PCDHGA4: variants seen among roughly 807,000 people sequenced by gnomAD.
The protein encoded by PCDHGA4 is protocadherin gamma-A4.
Under a neutral mutation model 54.6 loss-of-function variants are expected in PCDHGA4, and 38 were observed. The observed-to-expected ratio is 0.70, with a 90% CI of 0.54 to 0.91. The LOEUF is 0.91. PCDHGA4 is among the 40% of genes least tolerant of loss of function. The pLI is 0.00. For missense variants in PCDHGA4, 1,298 were observed against 1,220.9 expected, an observed-to-expected ratio of 1.06 and a Z score of -0.94; for synonymous variants, 511 against 512.9, an observed-to-expected ratio of 1.00 and a Z score of 0.05.
chr5:141,471,065 T>C (rs1355886133), intron 1 of PCDHGA4, among the ~76,000 whole-genome samples: 3 of 148,628 alleles, frequency 2.0e-5, no homozygotes, highest in Non-Finnish European at 3.0e-5. Context: ...TTTTTTTTTT[T>C]TGAGACAGGG....
chr5:141,431,090 G>C lies in PCDHGA4; in HGVS notation c.2515-63717G>C. On this transcript the variant is annotated intron_variant, in intron 1 of 3. Transcript: ENST00000571252. The surrounding 1 kb of genome is among the most constrained non-coding windows in gnomAD (Gnocchi z 4.8). ...TCAATTAAATCTAGACATTCTGATG[G>C]AGGATAAAGTGAAAATATATGGAGT... is the stretch of plus-strand genomic sequence containing the variant. 6.2e-7 allele frequency: 1 copy of C among 1,614,246 alleles called. No homozygotes were observed. The highest frequency in any genetic ancestry group is 8.5e-7 in the Non-Finnish European group (1 of 1,180,032).
chr5:141,465,448 A>G (rs2099103302), intron 1 of PCDHGA4, among the ~76,000 whole-genome samples: 2 of 152,192 alleles, frequency 1.3e-5, no homozygotes, highest in Admixed American at 1.3e-4. Flanking sequence ...TTACCCAAGA[A>G]AACTCTCACC....
intron 1 of PCDHGA4, chr5:141,479,722 T>C (rs2099504690): frequency 6.6e-6 from 1 of 152,240 alleles, no homozygotes; most frequent in African/African-American, 2.4e-5. Context: ...CCAGCCTTAT[T>C]TTTCTTAAGT....
chr5:141,373,898 A>T (rs1039826496), intron 1 of PCDHGA4: 1 of 541,044 alleles, frequency 1.8e-6, no homozygotes, highest in Non-Finnish European at 3.1e-6. Context: ...CTCAAGTTAC[A>T]TCCTCCAACA....
Position 141,355,192 on chromosome 5 carries a change from G to A in PCDHGA4, c.85G>A (p.Gly29Arg). The change falls in exon 1 of 4, where the codon GGG becomes AGG. Residue 29 changes from glycine to arginine, a missense_variant. By Grantham distance (125) the Gly-to-Arg change is moderately radical. Transcript: ENST00000571252. ...GKPKHRRLRGGVVMAAPPARP... is the reference protein window; with the variant it reads ...GKPKHRRLRGRVVMAAPPARP... ...ACCGAAGCACAGGCGACTCCGCGGC[G>A]GGGTTGTAATGGCGGCGCCTCCTGC... The A allele has an allele frequency of 3.1e-6, 5 of 1,592,970 alleles. No homozygotes were observed. The highest frequency in any genetic ancestry group is 1.3e-5 in the African/African-American group (1 of 74,368).
intron 1 of PCDHGA4, chr5:141,433,247 G>A (rs1393219042): frequency 2.8e-6 from 4 of 1,447,840 alleles, no homozygotes; most frequent in Non-Finnish European, 3.8e-6. Context: ...AAGCTGGAAT[G>A]CAGCGGTACG....
chr5:141,376,682 T>TTTTTTGTTG lies in PCDHGA4; in HGVS notation c.2514+19066_2514+19067insGTTGTTTTT, dbSNP rs1554084782. On this transcript the variant is annotated intron_variant, in intron 1 of 3. Coordinates refer to ENST00000571252, the MANE Select transcript of PCDHGA4 (RefSeq NM_018917.4). ...TTGTTCAGGTGAGGGTATCGTTTTTTTTTTTTTTTTTTTTTGAGACGGAGT... is the reference window on the plus strand; with the variant it reads ...TTGTTCAGGTGAGGGTATCGTTTTTTTTTTTGTTGTTTTTTTTTTTTTTTGAGACGGAGT... The TTTTTTGTTG allele has an allele frequency of 3.8e-6, 3 of 786,082 alleles. No homozygotes were observed. In the African/African-American group the frequency reaches 5.8e-5, roughly 15 times the overall value. 48.7% of individuals were successfully genotyped at this position (786,082 alleles called of 1,614,324 possible). A position where few individuals can be genotyped will look rare whatever the true frequency, so the allele number is the denominator to read the frequency against.
chr5:141,372,282 CG>C (rs1768601013), intron 1 of PCDHGA4: 1 of 1,613,084 alleles, frequency 6.2e-7, no homozygotes, highest in African/African-American at 1.3e-5. Context: ...GCGCACGGCG[CG>C]TACCTTGGGC....
At chr5:141,372,809 G>T in intron 1 of PCDHGA4, 3 of 1,587,730 alleles carry the variant, frequency 1.9e-6, no homozygotes, top group Non-Finnish European at 2.6e-6. Context: ...ATTTGCAAAA[G>T]GTGAGTTTCT....
At chr5:141,478,423 C>A (rs1355847104) in intron 1 of PCDHGA4, 1 of 1,613,672 alleles carries the variant, frequency 6.2e-7, no homozygotes, top group Admixed American at 1.7e-5. Context: ...CCCGCCGCAG[C>A]GACCCGCTGC....
chr5:141,391,749 G>A (rs147297013), intron 1 of PCDHGA4: 1 of 152,154 alleles, frequency 6.6e-6, no homozygotes, highest in African/African-American at 2.4e-5. Flanking sequence ...CTTATCCTTT[G>A]GCTTCTTAGT....
chr5:141,355,948 AG>A lies in PCDHGA4; in HGVS notation c.842del (p.Ser281MetfsTer8), dbSNP rs1426923204. 1.2e-6 allele frequency: 2 copies of A among 1,613,792 alleles called. No homozygotes were observed. Among genetic ancestry groups the A allele is most frequent in the Admixed American group, 3.3e-5 (2 of 59,992 alleles). On this transcript the variant is annotated frameshift_variant, in exon 1 of 4. Transcript: ENST00000571252. LOFTEE classifies it high-confidence loss of function. ...PVFTQPEYHV[S>X]VRENVPVGTR... is the part of the protein sequence containing the mutation. ...GTTCACTCAGCCCGAGTACCACGTAAGTGTTCGTGAGAACGTTCCTGTAGGC... is the reference window on the plus strand; with the variant it reads ...GTTCACTCAGCCCGAGTACCACGTAATGTTCGTGAGAACGTTCCTGTAGGC...
intron 1 of PCDHGA4, chr5:141,405,443 A>G (rs2154536495): frequency 7.2e-7 from 1 of 1,381,938 alleles, no homozygotes; most frequent in Non-Finnish European, 1.0e-6. Flanking sequence ...TTTTTGAGAC[A>G]GAGTCTTACT....
intron 1 of PCDHGA4, chr5:141,411,426 A>T (rs115154023): frequency 6.6e-6 from 1 of 151,648 alleles, no homozygotes; most frequent in Non-Finnish European, 1.5e-5. Flanking sequence ...ACAACAACAA[A>T]AAAAAACATT....
chr5:141,490,322 A>C lies in PCDHGA4; in HGVS notation c.2515-4485A>C. ...GCCTCTTTGGCCAACCCTGTCCTAGAGAGCACACCAGTGGGCACAGTAGTG... is the reference window on the plus strand; with the variant it reads ...GCCTCTTTGGCCAACCCTGTCCTAGCGAGCACACCAGTGGGCACAGTAGTG... On this transcript the variant is annotated intron_variant, in intron 1 of 3. Coordinates refer to ENST00000571252, the MANE Select transcript of PCDHGA4 (RefSeq NM_018917.4). This position sits in a 1 kb window ranked among gnomAD's most constrained non-coding sequence, Gnocchi z 5.4. The C allele has an allele frequency of 6.2e-7, 1 of 1,614,232 alleles. No individual in the cohort carries two copies. Among genetic ancestry groups the C allele is most frequent in the Non-Finnish European group, 8.5e-7 (1 of 1,180,038 alleles).
In PCDHGA4 at chr5:141,485,701, A is replaced by G. The variant is rs747748476; in HGVS notation, c.2515-9106A>G. The G allele has an allele frequency of 1.9e-6, 3 of 1,614,104 alleles. No homozygotes were observed. Among genetic ancestry groups the G allele is most frequent in the Non-Finnish European group, 2.5e-6 (3 of 1,180,010 alleles). On this transcript the variant is annotated intron_variant, in intron 1 of 3. Transcript: ENST00000571252. The surrounding 1 kb of genome is among the most constrained non-coding windows in gnomAD (Gnocchi z 5.7). ...GCAGCTATAGGCTGAGCTCCAATGAACACTTTGCACTGGATGTGAAGAAGC... is the reference window on the plus strand; with the variant it reads ...GCAGCTATAGGCTGAGCTCCAATGAGCACTTTGCACTGGATGTGAAGAAGC...
intron 1 of PCDHGA4, chr5:141,389,997 A>G (rs1278035747): frequency 3.1e-6 from 5 of 1,613,844 alleles, no homozygotes; most frequent in South Asian, 2.2e-5. Flanking sequence ...CCTCGTGGCC[A>G]TGATTCTGGC....
In PCDHGA4 at chr5:141,432,287, G is replaced by A. The variant is rs189131107; in HGVS notation, c.2515-62520G>A. On this transcript the variant is annotated intron_variant, in intron 1 of 3. Transcript: ENST00000571252. This position sits in a 1 kb window ranked among gnomAD's most constrained non-coding sequence, Gnocchi z 6.0. ...ATCGTCCTACGTGTCCATCAACTCC[G>A]ACACTGGGGTACTGTATGCGCTGAG... The A allele has an allele frequency of 2.3e-4, 365 of 1,614,216 alleles. 2 individuals carry two copies. In the East Asian group the frequency reaches 6.5e-3, roughly 29 times the overall value.
intron 1 of PCDHGA4, among the ~76,000 whole-genome samples, chr5:141,420,793 T>C (rs1400287885): frequency 6.6e-6 from 1 of 152,268 alleles, no homozygotes; most frequent in Non-Finnish European, 1.5e-5. Flanking sequence ...TGAAAACTTT[T>C]TAAAAATTAA....
Sources: gnomAD v4.1 joint callset for allele counts (sites outside exome capture counted in the v4.1 genomes callset) on GRCh38, gnomAD v4.1.1 for gene constraint, Gnocchi (gnomAD v3.1) non-coding constraint, MANE v1.5 for transcripts, NCBI Gene and HGNC (gene_info 2026-07-23, HGNC 2026-07-21) for gene names.